The following DRC8 variants were observed in gnomAD, a reference collection of about 807,000 sequenced individuals.
DRC8 encodes the protein dynein regulatory complex protein 8.
At chr1:245,035,136 C>A in the DRC8 span, among the ~76,000 whole-genome samples, 1 of 151,486 alleles carries the variant, frequency 6.6e-6, no homozygotes, top group Non-Finnish European at 1.5e-5. Flanking sequence ...TGCAATACTC[C>A]CCAAATTGAT....
the DRC8 span, among the ~76,000 whole-genome samples, chr1:244,991,541 G>C: frequency 1.3e-5 from 2 of 152,096 alleles, no homozygotes; most frequent in East Asian, 3.9e-4. Context: ...TAGCTTTCTG[G>C]ATTATTCTGA....
chr1:244,993,957 T>C, the DRC8 span, among the ~76,000 whole-genome samples: 37 of 151,816 alleles, frequency 2.4e-4, 2 homozygotes, highest in East Asian at 1.7e-3. Context: ...TTTTTTTTGG[T>C]ATACTTTTTG....
the DRC8 span, among the ~76,000 whole-genome samples, chr1:244,978,506 A>AG: frequency 1.3e-5 from 2 of 151,504 alleles, no homozygotes; most frequent in African/African-American, 2.4e-5. Flanking sequence ...AAAAAAAAAA[A>AG]AGAGACGAGG....
chr1:245,010,049 C>T, the DRC8 span, among the ~76,000 whole-genome samples: 2 of 151,806 alleles, frequency 1.3e-5, no homozygotes, highest in African/African-American at 4.8e-5. Context: ...TTAGTAGAGA[C>T]AGGGTTTCAC....
At chr1:244,995,189 C>T in the DRC8 span, among the ~76,000 whole-genome samples, 3 of 151,966 alleles carry the variant, frequency 2.0e-5, no homozygotes, top group African/African-American at 4.8e-5. Flanking sequence ...GGCGAAACCC[C>T]GTCTCTACTA....
the DRC8 span, among the ~76,000 whole-genome samples, chr1:245,040,348 CTT>C: frequency 6.6e-6 from 1 of 152,148 alleles, no homozygotes; most frequent in Admixed American, 6.5e-5. Flanking sequence ...GCACCTGAGT[CTT>C]TTTCTCTGCC....
chr1:245,094,289 T>C, the DRC8 span, among the ~76,000 whole-genome samples: 7 of 152,298 alleles, frequency 4.6e-5, 1 homozygote, highest in South Asian at 8.3e-4. Flanking sequence ...AAAACCCCCC[T>C]GTGCTTAGGT....
At chr1:245,025,988 G>A in the DRC8 span, among the ~76,000 whole-genome samples, 4 of 152,092 alleles carry the variant, frequency 2.6e-5, no homozygotes, top group African/African-American at 2.4e-5. Context: ...ACCCAGTCTC[G>A]GGTATTTCTT....
the DRC8 span, among the ~76,000 whole-genome samples, chr1:244,974,764 G>C: frequency 1.3e-5 from 2 of 151,694 alleles, no homozygotes; most frequent in Non-Finnish European, 2.9e-5. Flanking sequence ...GTGCCATCAC[G>C]GCTCACTACA....
At chr1:244,977,081 G>A in the DRC8 span, among the ~76,000 whole-genome samples, 3 of 152,178 alleles carry the variant, frequency 2.0e-5, no homozygotes, top group African/African-American at 7.2e-5. Flanking sequence ...GGTACCTAGA[G>A]AAGTCAAATT....
At chr1:245,110,100 C>T in the DRC8 span, among the ~76,000 whole-genome samples, 1 of 152,096 alleles carries the variant, frequency 6.6e-6, no homozygotes, top group South Asian at 2.1e-4. Flanking sequence ...AAGTTGAATT[C>T]TGCTGGGCAC....
chr1:245,118,156 A>G, the DRC8 span, among the ~76,000 whole-genome samples: 43 of 152,146 alleles, frequency 2.8e-4, no homozygotes, highest in African/African-American at 9.7e-4. Flanking sequence ...GAAAGACCCT[A>G]GTGTCAAAAA....
the DRC8 span, among the ~76,000 whole-genome samples, chr1:245,010,540 C>T: frequency 6.6e-6 from 1 of 152,104 alleles, no homozygotes; most frequent in African/African-American, 2.4e-5. Flanking sequence ...CCCTGGTCCC[C>T]CTGTGGGAAG....
chr1:245,040,566 T>C, the DRC8 span, among the ~76,000 whole-genome samples: 4 of 152,156 alleles, frequency 2.6e-5, no homozygotes, highest in Admixed American at 2.6e-4. Context: ...ATAATATAGA[T>C]TGACATTAGA....
the DRC8 span, among the ~76,000 whole-genome samples, chr1:244,972,978 TTGG>T: frequency 9.2e-5 from 14 of 152,184 alleles, no homozygotes; most frequent in Non-Finnish European, 1.8e-4. Context: ...GAGACTCATT[TTGG>T]TGGTAAGATC....
chr1:245,010,511 G>GC, the DRC8 span, among the ~76,000 whole-genome samples: 1 of 152,108 alleles, frequency 6.6e-6, no homozygotes. Flanking sequence ...CAGGAGGCCT[G>GC]CCATCGGAGC....
At chr1:245,049,028 C>T in the DRC8 span, among the ~76,000 whole-genome samples, 6 of 150,672 alleles carry the variant, frequency 4.0e-5, no homozygotes, top group Admixed American at 3.3e-4. The surrounding 1 kb of genome is among the most constrained non-coding windows in gnomAD (Gnocchi z 4.5). Flanking sequence ...CTCCATCACC[C>T]AGATGGGAGT....
At chr1:245,097,495 G>A in the DRC8 span, among the ~76,000 whole-genome samples, 1 of 151,420 alleles carries the variant, frequency 6.6e-6, no homozygotes, top group Admixed American at 6.6e-5. The surrounding 1 kb of genome is among the most constrained non-coding windows in gnomAD (Gnocchi z 5.0). Context: ...TCCAGCCTGG[G>A]AGACAAAGCA....
the DRC8 span, among the ~76,000 whole-genome samples, chr1:244,993,311 A>G: frequency 6.6e-6 from 1 of 152,190 alleles, no homozygotes; most frequent in African/African-American, 2.4e-5. Context: ...TTTCTCGCAC[A>G]TGTAGAATGC....
Sources: allele counts gnomAD v4.1 joint callset (sites outside exome capture counted in the v4.1 genomes callset), GRCh38; gene constraint gnomAD v4.1.1; non-coding constraint Gnocchi (gnomAD v3.1); transcripts MANE v1.5; gene names NCBI Gene and HGNC (gene_info 2026-07-23, HGNC 2026-07-21).